Variants in ROBO1 observed in about 807,000 individuals in gnomAD.
ROBO1 encodes the protein roundabout guidance receptor 1.
Under a neutral mutation model 195.9 loss-of-function variants are expected in ROBO1, and 149 were observed. That is an observed-to-expected ratio of 0.76 (90% CI 0.67 to 0.87). The LOEUF (loss-of-function observed/expected upper bound fraction) is 0.87. Ranked by LOEUF, ROBO1 falls within the 40% of genes least tolerant of loss-of-function variation. ROBO1 has a pLI of 0.00. For missense variants in ROBO1, 1,933 were observed against 2,068.3 expected, an observed-to-expected ratio of 0.93 and a Z score of 1.27; for synonymous variants, 816 against 733.2, an observed-to-expected ratio of 1.11 and a Z score of -1.82.
At chr3:79,733,087 C>T (rs1203232694) in intron 1 of ROBO1, among the ~76,000 whole-genome samples, 2 of 152,178 alleles carry the variant, frequency 1.3e-5, no homozygotes, top group Non-Finnish European at 2.9e-5. Context: ...GCTTCAGATA[C>T]CCGAGTGTCA....
At chr3:79,638,264 T>C (rs1055073278) in intron 1 of ROBO1, among the ~76,000 whole-genome samples, 1 of 152,198 alleles carries the variant, frequency 6.6e-6, no homozygotes, top group Non-Finnish European at 1.5e-5. Flanking sequence ...ATGGTAGATT[T>C]GCAAAGGCAG....
intron 3 of ROBO1, among the ~76,000 whole-genome samples, chr3:78,944,100 G>C (rs898967670): frequency 6.6e-6 from 1 of 152,198 alleles, no homozygotes; most frequent in Non-Finnish European, 1.5e-5. Flanking sequence ...TGAAGTGTGT[G>C]TTGTTATATC....
At chr3:79,439,430 C>T (rs909864977) in intron 2 of ROBO1, among the ~76,000 whole-genome samples, 14 of 152,052 alleles carry the variant, frequency 9.2e-5, no homozygotes, top group Admixed American at 4.6e-4. Context: ...AAATAACTCA[C>T]ATAAATGAAT....
At chr3:79,537,110 TTTA>T (rs1386573517) in intron 2 of ROBO1, among the ~76,000 whole-genome samples, 1 of 132,700 alleles carries the variant, frequency 7.5e-6, no homozygotes, top group African/African-American at 3.8e-5. Context: ...TTTTCCTTTT[TTTA>T]TTTTTTTTTT....
chr3:78,739,279 T>C (rs2082466263), intron 5 of ROBO1, among the ~76,000 whole-genome samples: 1 of 152,198 alleles, frequency 6.6e-6, no homozygotes, highest in Non-Finnish European at 1.5e-5. Context: ...TGTTAGTTTT[T>C]ACTGTATTTT....
chr3:78,859,632 A>G (rs1463692346), intron 4 of ROBO1, among the ~76,000 whole-genome samples: 1 of 152,148 alleles, frequency 6.6e-6, no homozygotes, highest in East Asian at 1.9e-4. Flanking sequence ...TTAAATCTCC[A>G]AGATGGTGAC....
chr3:78,661,276 A>G lies in ROBO1; in HGVS notation c.2089-15T>C. ...TGTTGATCTACCTATTAAAAAGACA[A>G]GTAAAATGTAATTATTCATATTATT... On this transcript the variant is annotated splice_polypyrimidine_tract_variant and intron_variant, in intron 15 of 30. Transcript: ENST00000464233. 7.1e-7 allele frequency: 1 copy of G among 1,399,538 alleles called. No homozygotes were observed. 86.7% of individuals were successfully genotyped at this position (1,399,538 alleles called of 1,614,324 possible). A position where few individuals can be genotyped will look rare whatever the true frequency, so the allele number is the denominator to read the frequency against.
intron 2 of ROBO1, among the ~76,000 whole-genome samples, chr3:79,145,612 T>C (rs1391471647): frequency 6.6e-6 from 1 of 151,934 alleles, no homozygotes; most frequent in Non-Finnish European, 1.5e-5. Flanking sequence ...CTGTAAGATA[T>C]GACATAAGGA....
Position 78,597,551 on chromosome 3 carries a change from C to CAAAT in ROBO1, c.*1358_*1361dup, listed in dbSNP as rs1323853686. The CAAAT allele has an allele frequency of 1.3e-5, 2 of 151,752 alleles. No homozygotes were observed. Among genetic ancestry groups the CAAAT allele is most frequent in the Non-Finnish European group, 2.9e-5 (2 of 67,896 alleles). The allele number at this position is 151,752 out of a possible 1,614,324, so 9.4% of individuals were successfully genotyped here. A position where few individuals can be genotyped will look rare whatever the true frequency, so the allele number is the denominator to read the frequency against. ...ATGAATAAATGTACATTTTTTTCTT[C>CAAAT]AAATAGCACCAATTATAAAATCAAT... On this transcript the variant is annotated 3_prime_UTR_variant, in exon 31 of 31. Transcript: ENST00000464233.
intron 1 of ROBO1, among the ~76,000 whole-genome samples, chr3:79,643,781 C>T (rs762372499): frequency 1.3e-5 from 2 of 151,974 alleles, no homozygotes; most frequent in African/African-American, 4.8e-5. Flanking sequence ...GAGAAAATCA[C>T]TAAGCCACAA....
intron 4 of ROBO1, among the ~76,000 whole-genome samples, chr3:78,802,655 T>C (rs982464820): frequency 6.6e-6 from 1 of 152,090 alleles, no homozygotes; most frequent in East Asian, 1.9e-4. Flanking sequence ...GTGATTTCAA[T>C]CCCACATAAG....
At chr3:78,740,832 G>C (rs2082514253) in intron 5 of ROBO1, among the ~76,000 whole-genome samples, 1 of 151,958 alleles carries the variant, frequency 6.6e-6, no homozygotes, top group South Asian at 2.1e-4. Flanking sequence ...TAAATACAAG[G>C]CCTTAAATCC....
At chr3:79,536,525 G>T (rs947856784) in intron 2 of ROBO1, among the ~76,000 whole-genome samples, 9 of 152,218 alleles carry the variant, frequency 5.9e-5, no homozygotes, top group African/African-American at 2.2e-4. Context: ...ATTTGGATCT[G>T]ATCAAATTTA....
chr3:79,432,858 T>G (rs2107047709), intron 2 of ROBO1, among the ~76,000 whole-genome samples: 1 of 152,302 alleles, frequency 6.6e-6, no homozygotes, highest in East Asian at 1.9e-4. Flanking sequence ...ATAATTTATT[T>G]AGGCCATGTA....
At chr3:79,521,074 A>G (rs1249396055) in intron 2 of ROBO1, among the ~76,000 whole-genome samples, 2 of 152,166 alleles carry the variant, frequency 1.3e-5, no homozygotes, top group Non-Finnish European at 2.9e-5. Flanking sequence ...TTCAAAGTGC[A>G]AGCCTACAGA....
intron 2 of ROBO1, among the ~76,000 whole-genome samples, chr3:79,294,981 C>T (rs894701301): frequency 2.0e-5 from 3 of 152,096 alleles, no homozygotes; most frequent in South Asian, 2.1e-4. Context: ...GAAATAGGAA[C>T]GTTTTTACAC....
At chr3:78,883,566 G>T (rs1469250345) in intron 4 of ROBO1, among the ~76,000 whole-genome samples, 1 of 151,684 alleles carries the variant, frequency 6.6e-6, no homozygotes, top group East Asian at 1.9e-4. Context: ...AATTTTCTGT[G>T]GTGACAGGGT....
At chr3:79,551,210 C>T (rs972195640) in intron 2 of ROBO1, among the ~76,000 whole-genome samples, 1 of 150,272 alleles carries the variant, frequency 6.7e-6, no homozygotes, top group African/African-American at 2.5e-5. Context: ...TATTATTATA[C>T]TTTAAGTTTT....
intron 2 of ROBO1, among the ~76,000 whole-genome samples, chr3:79,410,111 G>T (rs183079636): frequency 2.9e-3 from 446 of 152,242 alleles, no homozygotes; most frequent in Non-Finnish European, 5.0e-3. Flanking sequence ...AACTGTGTCT[G>T]TAAATTATTA....
Sources: gnomAD v4.1 joint callset for allele counts (sites outside exome capture counted in the v4.1 genomes callset) on GRCh38, gnomAD v4.1.1 for gene constraint, MANE v1.5 for transcripts, NCBI Gene and HGNC (gene_info 2026-07-23, HGNC 2026-07-21) for gene names.